Variants in COL5A2 observed in about 807,000 individuals in gnomAD.
The protein encoded by COL5A2 is collagen type V alpha 2 chain.
In COL5A2, 23 loss-of-function variants were observed where a neutral mutation model predicts 208.2. That is an observed-to-expected ratio of 0.11 (90% CI 0.08 to 0.16). The LOEUF is 0.16. COL5A2 is among the 10% of genes least tolerant of loss of function. COL5A2 has a pLI of 1.00. For synonymous variants in COL5A2, 625 were observed against 628.5 expected (o/e 0.99, Z 0.08); for missense variants, 1,590 against 1,956.4 (o/e 0.81, Z 3.53).
chr2:189,359,003 C>A, the COL5A2 span, among the ~76,000 whole-genome samples: 1 of 152,094 alleles, frequency 6.6e-6, no homozygotes, highest in Non-Finnish European at 1.5e-5. Flanking sequence ...TATATAAGAT[C>A]AAGTAGTGTG....
At chr2:189,390,858 T>C in the COL5A2 span, among the ~76,000 whole-genome samples, 228 of 152,342 alleles carry the variant, frequency 1.5e-3, 1 homozygote, top group East Asian at 0.019. Context: ...GAGCAATTTA[T>C]AACACTTAAT....
the COL5A2 span, among the ~76,000 whole-genome samples, chr2:189,339,450 G>C: frequency 6.6e-6 from 1 of 151,926 alleles, no homozygotes. Context: ...TTGATGCTCA[G>C]ATCATCCAAC....
At chr2:189,255,259 T>C in the COL5A2 span, among the ~76,000 whole-genome samples, 2 of 152,362 alleles carry the variant, frequency 1.3e-5, no homozygotes, top group Non-Finnish European at 2.9e-5. Context: ...CCAATTCAAA[T>C]ATAAATTTCA....
intron 33 of COL5A2, 143 bp downstream of exon 33, chr2:189,058,286 C>T: frequency 1.3e-6 from 1 of 754,108 alleles, no homozygotes; most frequent in Non-Finnish European, 2.3e-6. Flanking sequence ...CTAGTAAGCG[C>T]TCATTAAATA....
At chr2:189,432,326 T>G in the COL5A2 span, among the ~76,000 whole-genome samples, 3 of 152,130 alleles carry the variant, frequency 2.0e-5, no homozygotes, top group Non-Finnish European at 4.4e-5. Context: ...AATTCACACA[T>G]AATTATATTA....
intron 1 of COL5A2, among the ~76,000 whole-genome samples, chr2:189,173,138 AT>A (rs904772835): frequency 6.6e-6 from 1 of 151,002 alleles, no homozygotes; most frequent in Non-Finnish European, 1.5e-5. Flanking sequence ...ACCCAGATAA[AT>A]TTTTTTGTAT....
intron 1 of COL5A2, among the ~76,000 whole-genome samples, chr2:189,191,142 A>AAAAAAAAAAAC: frequency 1.4e-5 from 1 of 71,558 alleles, no homozygotes; most frequent in African/African-American, 3.0e-5. Context: ...GGAAACCATA[A>AAAAAAAAAAAC]AAAAAAAAAC....
intron 1 of COL5A2, among the ~76,000 whole-genome samples, chr2:189,199,958 T>C (rs1032993773): frequency 6.6e-6 from 1 of 152,114 alleles, no homozygotes; most frequent in Non-Finnish European, 1.5e-5. Context: ...GAAAGCACAG[T>C]AGGGGATTGA....
At chr2:189,422,183 C>T in the COL5A2 span, among the ~76,000 whole-genome samples, 2 of 152,066 alleles carry the variant, frequency 1.3e-5, 1 homozygote, top group East Asian at 3.9e-4. Flanking sequence ...CAGTGACTGG[C>T]CCTAAAGAGC....
chr2:189,052,737 A>C lies in COL5A2; in HGVS notation c.2715+12T>G, dbSNP rs369677461. 1.6e-5 allele frequency: 26 copies of C among 1,613,732 alleles called. No homozygotes were observed. The highest frequency in any genetic ancestry group is 2.2e-5 in the Non-Finnish European group (26 of 1,179,718). ...AGCTGTGCATACTTTGCAGAGCATCAAATAAACTTACAGGCGGACCTTGGG... is the reference window on the plus strand; with the variant it reads ...AGCTGTGCATACTTTGCAGAGCATCCAATAAACTTACAGGCGGACCTTGGG... On this transcript the variant is annotated intron_variant, in intron 40 of 53. Transcript: ENST00000374866.
chr2:189,091,494 C>G (rs998327152), intron 7 of COL5A2, among the ~76,000 whole-genome samples: 5 of 152,208 alleles, frequency 3.3e-5, no homozygotes, highest in African/African-American at 1.2e-4. Context: ...AGCAAAACAC[C>G]CTATCAGCAA....
At chr2:189,085,693 G>T in intron 10 of COL5A2, 26 bp downstream of exon 10, 2 of 1,605,728 alleles carry the variant, frequency 1.2e-6, no homozygotes, top group South Asian at 1.1e-5. Flanking sequence ...AATGTAACTG[G>T]GTCTACATGC....
At chr2:189,134,755 A>G (rs1687794835) in intron 1 of COL5A2, among the ~76,000 whole-genome samples, 1 of 152,212 alleles carries the variant, frequency 6.6e-6, no homozygotes. Flanking sequence ...GAAACAAGTT[A>G]TGTCATAAAT....
Position 189,045,885 on chromosome 2 carries a change from G to C in COL5A2, c.3224C>G (p.Pro1075Arg). The C allele has an allele frequency of 6.2e-7, 1 of 1,614,116 alleles. No individual in the cohort carries two copies. Among genetic ancestry groups the C allele is most frequent in the Non-Finnish European group, 8.5e-7 (1 of 1,179,996 alleles). The change falls in exon 46 of 54, where the codon CCT becomes CGT. Residue 1075 changes from proline to arginine, a missense_variant. By Grantham distance (103) the Pro-to-Arg change is moderately radical. Transcript: ENST00000374866. ...ACCCTGAGAGCCTGGCAGACCTGCA[G>C]GCCCAGGGTCTCCACGATCACCCTA... The part of the protein sequence containing the change: ...GERGDRGDPG[P>R]AGLPGSQGAP...
At chr2:189,236,599 T>A in the COL5A2 span, among the ~76,000 whole-genome samples, 17 of 151,916 alleles carry the variant, frequency 1.1e-4, no homozygotes, top group East Asian at 3.3e-3. Context: ...ATTTGCAATT[T>A]ACTTGATGAC....
intron 1 of COL5A2, among the ~76,000 whole-genome samples, chr2:189,213,723 A>T (rs1386469615): frequency 1.3e-5 from 2 of 152,208 alleles, no homozygotes; most frequent in Non-Finnish European, 2.9e-5. Flanking sequence ...AGTGAACCCC[A>T]ATGCCTATAA....
the COL5A2 span, among the ~76,000 whole-genome samples, chr2:189,271,635 C>T: frequency 6.6e-5 from 10 of 152,248 alleles, no homozygotes; most frequent in East Asian, 1.2e-3. Context: ...AAAGCAATGG[C>T]GACAAAAGCC....
the COL5A2 span, among the ~76,000 whole-genome samples, chr2:189,335,354 T>C: frequency 6.6e-6 from 1 of 152,148 alleles, no homozygotes; most frequent in South Asian, 2.1e-4. Flanking sequence ...CCTCACACAA[T>C]TGCTGGTGGG....
chr2:189,340,244 G>T, the COL5A2 span, among the ~76,000 whole-genome samples: 1 of 152,170 alleles, frequency 6.6e-6, no homozygotes, highest in Admixed American at 6.5e-5. Flanking sequence ...TGCTGGAGTA[G>T]TGTGCTACAT....
Sources: allele counts gnomAD v4.1 joint callset (sites outside exome capture counted in the v4.1 genomes callset), GRCh38; gene constraint gnomAD v4.1.1; transcripts MANE v1.5; gene names NCBI Gene and HGNC (gene_info 2026-07-23, HGNC 2026-07-21).